The following MAP7D3 variants were observed in gnomAD, a reference collection of about 807,000 sequenced individuals.
MAP7D3 encodes MAP7 domain containing 3.
A neutral mutation model predicts 62.2 loss-of-function variants in MAP7D3; 45 were observed. The ratio of observed to expected loss-of-function variants is 0.72; its 90% CI spans 0.57 to 0.93. The LOEUF (loss-of-function observed/expected upper bound fraction) is 0.93. MAP7D3 is among the 40% of genes least tolerant of loss of function. The pLI is 0.00. For missense variants in MAP7D3, 711 were observed against 683.1 expected, an observed-to-expected ratio of 1.04 and a Z score of -0.45; for synonymous variants, 288 against 248.8, an observed-to-expected ratio of 1.16 and a Z score of -1.48.
intron 15 of MAP7D3, 84 bp from the exon 16 acceptor site, chrX:136,221,047 G>C: frequency 1.4e-6 from 1 of 715,473 alleles, no homozygotes; most frequent in South Asian, 2.4e-5. Context: ...TGATGGGATG[G>C]GGAGTGGGTA....
chrX:136,215,156 C>T (rs1459145396), downstream of MAP7D3: 1 of 112,139 alleles, frequency 8.9e-6, no homozygotes, highest in East Asian at 2.8e-4. Flanking sequence ...AAGGACCTTG[C>T]CTTATCAAAA....
chrX:136,237,899 C>T (rs1022151081), intron 6 of MAP7D3, among the ~76,000 whole-genome samples: 6 of 106,417 alleles, frequency 5.6e-5, no homozygotes, highest in South Asian at 4.6e-4. Flanking sequence ...CAACAGGCCC[C>T]GGTGTGTGAT....
At position 136,229,988 on chromosome X, in the gene MAP7D3, TATA is replaced by T. The variant is rs1293290266; in HGVS notation, c.1750+394_1750+396del. ...GTATATATATATATATATATATATA[TATA>T]TATTTTTTTTTTTTTTGTAGAAACA... On this transcript the variant is annotated intron_variant, in intron 10 of 18. Transcript: ENST00000316077. Among the ~76,000 whole-genome samples, 328 of 64,433 alleles carry T rather than the reference TATA, an allele frequency of 5.1e-3. 10 individuals carry two copies. The highest frequency in any genetic ancestry group is 0.011 in the Middle Eastern group (1 of 91). The allele number at this position is 64,433 out of a possible 115,157, so 56.0% of individuals were successfully genotyped here.
intron 11 of MAP7D3, among the ~76,000 whole-genome samples, chrX:136,227,675 T>TA (rs1196285615): frequency 9.0e-6 from 1 of 110,581 alleles, no homozygotes; most frequent in Admixed American, 9.7e-5. Flanking sequence ...CTTTGCTTGT[T>TA]AAAAAACACA....
At chrX:136,220,091 G>A (rs764783190) in intron 16 of MAP7D3, among the ~76,000 whole-genome samples, 1 of 112,279 alleles carries the variant, frequency 8.9e-6, no homozygotes, top group African/African-American at 3.2e-5. Flanking sequence ...AATTGCCCAT[G>A]TAGCATTCCT....
At chrX:136,248,075 G>A (rs2074468097) in intron 1 of MAP7D3, among the ~76,000 whole-genome samples, 1 of 111,684 alleles carries the variant, frequency 9.0e-6, no homozygotes, top group African/African-American at 3.3e-5. Context: ...TTAGCTGGGT[G>A]TGGTGGTGCA....
At chrX:136,224,399 CA>C (rs775005222) in intron 14 of MAP7D3, among the ~76,000 whole-genome samples, 223 of 58,206 alleles carry the variant, frequency 3.8e-3, no homozygotes, top group African/African-American at 0.012. Context: ...GACTCTGTCT[CA>C]AAAAAAAAAA....
At chrX:136,252,513 C>T (rs1468212838), upstream of MAP7D3, among the ~76,000 whole-genome samples, 1 of 103,910 alleles carries the variant, frequency 9.6e-6, no homozygotes. Context: ...TCCGACTCTA[C>T]TAAAAATACA....
At chrX:136,232,712 A>C (rs1230501954) in intron 7 of MAP7D3, among the ~76,000 whole-genome samples, 4 of 112,419 alleles carry the variant, frequency 3.6e-5, no homozygotes, top group Non-Finnish European at 5.6e-5. Context: ...TAAAAACTTA[A>C]TAAGACATTA....
chrX:136,238,621 A>C (rs1334083739), intron 6 of MAP7D3, among the ~76,000 whole-genome samples: 2 of 111,643 alleles, frequency 1.8e-5, no homozygotes, highest in African/African-American at 6.5e-5. Flanking sequence ...GGGAAAGCAC[A>C]TTGAGGGTGG....
At chrX:136,222,316 C>A in intron 15 of MAP7D3, 77 bp downstream of exon 15, 2 of 797,252 alleles carry the variant, frequency 2.5e-6, no homozygotes, top group African/African-American at 2.0e-5. Context: ...AGTGACCTGC[C>A]CAAAGCCACA....
At chrX:136,225,723 T>A (rs1395847976) in intron 13 of MAP7D3, among the ~76,000 whole-genome samples, 186 bp downstream of exon 13, 1 of 111,970 alleles carries the variant, frequency 8.9e-6, no homozygotes, top group East Asian at 2.8e-4. Context: ...GAGGGAGGCA[T>A]GATCAGTAAG....
chrX:136,227,545 C>T, intron 11 of MAP7D3, 114 bp from the exon 12 acceptor site: 2 of 458,755 alleles, frequency 4.4e-6, no homozygotes, highest in South Asian at 4.8e-5. Context: ...TTTATATCCA[C>T]ACCAGAGTCA....
upstream of MAP7D3, among the ~76,000 whole-genome samples, chrX:136,253,667 G>C (rs774717063): frequency 2.7e-4 from 30 of 111,815 alleles, no homozygotes; most frequent in Non-Finnish European, 3.4e-4. Flanking sequence ...CTTGGGTGTG[G>C]GAATGATGTT....
rs755499657 is a variant in MAP7D3 at position 136,236,243 on chromosome X, C to A, written c.736+1G>T. The A allele has an allele frequency of 3.5e-6, 4 of 1,134,622 alleles. No individual in the cohort carries two copies. The highest frequency in any genetic ancestry group is 3.6e-6 in the Non-Finnish European group (3 of 835,154). 93.5% of individuals were successfully genotyped at this position (1,134,622 alleles called of 1,213,427 possible). On this transcript the variant is annotated splice_donor_variant, in intron 7 of 18. Coordinates refer to ENST00000316077, the MANE Select transcript of MAP7D3 (RefSeq NM_024597.4). LOFTEE classifies it high-confidence loss of function. Reference sequence around the variant, plus strand: ...AAAATTTGTATTTAGAAGTAACTAACCACGTGGCTTCCTTTCGGCTTGTTC... The same window carrying A: ...AAAATTTGTATTTAGAAGTAACTAAACACGTGGCTTCCTTTCGGCTTGTTC...
Position 136,218,063 on chromosome X carries a change from A to G in MAP7D3, c.*463T>C, listed in dbSNP as rs1018151933. ...GGGCAAGACTCCGTCTCAAAAAAAA[A>G]AAAAAGAAAAAGAAAAAGAAAAAGC... On this transcript the variant is annotated 3_prime_UTR_variant, in exon 19 of 19. Coordinates refer to ENST00000316077, the MANE Select transcript of MAP7D3 (RefSeq NM_024597.4). 8 of 110,586 alleles carry G rather than the reference A, an allele frequency of 7.2e-5. No homozygotes were observed. The highest frequency in any genetic ancestry group is 2.8e-4 in the East Asian group (1 of 3,563). The allele number at this position is 110,586 out of a possible 1,213,427, so 9.1% of individuals were successfully genotyped here.
intron 8 of MAP7D3, 58 bp from the exon 9 acceptor site, chrX:136,231,024 GGC>G: frequency 1.1e-6 from 1 of 905,652 alleles, no homozygotes; most frequent in African/African-American, 2.1e-5. Flanking sequence ...TACTGCAGCT[GGC>G]TTTTTTTTTT....
At chrX:136,251,241 C>A in intron 1 of MAP7D3, 48 bp downstream of exon 1, 1 of 1,057,256 alleles carries the variant, frequency 9.5e-7, no homozygotes, top group Non-Finnish European at 1.3e-6. Flanking sequence ...GGGAACCCTG[C>A]CTCCCACGCG....
intron 6 of MAP7D3, 145 bp from the exon 7 acceptor site, chrX:136,236,484 C>T: frequency 3.2e-6 from 1 of 311,881 alleles, no homozygotes; most frequent in Non-Finnish European, 5.5e-6. Flanking sequence ...ATTCTATATC[C>T]CCAAGCTTAA....
Sources: allele counts gnomAD v4.1 joint callset (sites outside exome capture counted in the v4.1 genomes callset), GRCh38; gene constraint gnomAD v4.1.1; transcripts MANE v1.5; gene names NCBI Gene and HGNC (gene_info 2026-07-23, HGNC 2026-07-21).